POLB: variants seen among roughly 807,000 people sequenced by gnomAD.
The protein encoded by POLB is DNA polymerase beta.
Under a neutral mutation model 52.7 loss-of-function variants are expected in POLB, and 37 were observed. The ratio of observed to expected loss-of-function variants is 0.70; its 90% CI spans 0.54 to 0.92. The LOEUF is 0.92. Among genes scored for constraint, POLB ranks in the 40% least tolerant of loss-of-function variants. POLB has a pLI of 0.00. For synonymous variants in POLB, 138 were observed against 131.3 expected, an observed-to-expected ratio of 1.05 and a Z score of -0.35; for missense variants, 313 against 400.8, an observed-to-expected ratio of 0.78 and a Z score of 1.87.
intron 11 of POLB, among the ~76,000 whole-genome samples, chr8:42,364,216 C>T (rs796448407): frequency 1.5e-4 from 23 of 151,632 alleles, no homozygotes; most frequent in African/African-American, 4.6e-4. Context: ...CATGAACCAC[C>T]GTGCCCAGCC....
chr8:42,341,006 A>G (rs933006226), intron 2 of POLB, among the ~76,000 whole-genome samples: 2 of 152,194 alleles, frequency 1.3e-5, no homozygotes, highest in African/African-American at 4.8e-5. Context: ...GCATTGAGAC[A>G]TGAAGGGTAT....
At chr8:42,363,029 CG>C (rs1823806822) in intron 11 of POLB, among the ~76,000 whole-genome samples, 1 of 151,214 alleles carries the variant, frequency 6.6e-6, no homozygotes, top group African/African-American at 2.4e-5. Flanking sequence ...GAGGATGAGG[CG>C]GGAAAATCAC....
chr8:42,365,323 C>T (rs1823971778), intron 11 of POLB, among the ~76,000 whole-genome samples: 3 of 152,150 alleles, frequency 2.0e-5, no homozygotes, highest in Admixed American at 2.0e-4. Flanking sequence ...GTTCTCTTGA[C>T]TCTGTCAAGT....
At chr8:42,343,351 T>A (rs1486400277) in intron 2 of POLB, among the ~76,000 whole-genome samples, 674 of 24,726 alleles carry the variant, frequency 0.027, 22 homozygotes, top group African/African-American at 0.043. Context: ...AAAAAATATA[T>A]ATATATATAT....
intron 13 of POLB, 192 bp downstream of exon 13, chr8:42,370,180 A>C (rs1229182240): frequency 4.4e-6 from 3 of 677,856 alleles, no homozygotes; most frequent in Non-Finnish European, 8.1e-6. Context: ...AAGGCCATCA[A>C]GGCAAGCGTT....
rs201253851 is a variant in POLB at position 42,350,873 on chromosome 8, T to A, written c.320+808T>A. On this transcript the variant is annotated intron_variant, in intron 5 of 13. Coordinates refer to ENST00000265421, the MANE Select transcript of POLB (RefSeq NM_002690.3). ...ATTTTCATTGGAAGAATTACAAAAA[T>A]TTTTTTTTTTTTTTAGAGATAGTGT... Among the ~76,000 whole-genome samples, 8 of 4,712 alleles carry A rather than the reference T, an allele frequency of 1.7e-3. 1 individual carries two copies. The Admixed American group carries it at 0.078, about 46-fold the overall frequency. 3.1% of individuals were successfully genotyped at this position (4,712 alleles called of 152,430 possible). A position where few individuals can be genotyped will look rare whatever the true frequency, so the allele number is the denominator to read the frequency against.
chr8:42,355,445 C>A, intron 6 of POLB, 71 bp from the exon 7 acceptor site: 1 of 821,386 alleles, frequency 1.2e-6, no homozygotes, highest in South Asian at 1.5e-5. Context: ...TAAAAAGGGT[C>A]ATTGAGTTTA....
At chr8:42,354,220 T>C (rs1387233754) in intron 6 of POLB, among the ~76,000 whole-genome samples, 4 of 152,230 alleles carry the variant, frequency 2.6e-5, no homozygotes, top group Non-Finnish European at 5.9e-5. Context: ...GTATTTCCAC[T>C]TCTTCAGTTT....
In POLB at chr8:42,350,013, C is replaced by A. The variant is rs1353433705; in HGVS notation, c.268C>A (p.Gln90Lys). 6.2e-7 allele frequency: 1 copy of A among 1,602,858 alleles called. No homozygotes were observed. Among genetic ancestry groups the A allele is most frequent in the South Asian group, 1.1e-5 (1 of 90,858 alleles). Residue 90 changes from glutamine to lysine, a missense_variant, in exon 5 of 14, where the codon CAG becomes AAG. This residue lies in a region of POLB where 246 missense variants were observed against 297.6 expected (regional missense o/e 0.83). Coordinates refer to ENST00000265421, the MANE Select transcript of POLB (RefSeq NM_002690.3). ...GKLRKLEKIRQDDTSSSINFL... is the reference protein window; with the variant it reads ...GKLRKLEKIRKDDTSSSINFL... ...ACTTTTTTTTTTCTTAAAGATTCGG[C>A]AGGATGATACGAGTTCATCCATCAA...
At chr8:42,343,520 A>C (rs1312867621) in intron 2 of POLB, among the ~76,000 whole-genome samples, 3 of 149,110 alleles carry the variant, frequency 2.0e-5, no homozygotes, top group African/African-American at 7.4e-5. Flanking sequence ...CCATCTCAAA[A>C]AAAAAGTAAC....
intron 11 of POLB, among the ~76,000 whole-genome samples, chr8:42,363,411 C>A (rs1343797253): frequency 2.0e-5 from 3 of 150,970 alleles, no homozygotes; most frequent in Non-Finnish European, 4.4e-5. Context: ...GCCTGTAGTC[C>A]CAGCTTTTCG....
At chr8:42,340,369 T>A (rs573237674) in intron 2 of POLB, among the ~76,000 whole-genome samples, 1 of 152,224 alleles carries the variant, frequency 6.6e-6, no homozygotes, top group South Asian at 2.1e-4. Context: ...ACAAAATTAT[T>A]AAAACGACTA....
intron 10 of POLB, among the ~76,000 whole-genome samples, chr8:42,362,199 G>A (rs1052806200): frequency 6.6e-6 from 1 of 151,968 alleles, no homozygotes; most frequent in Admixed American, 6.6e-5. Context: ...GGCAAAGGTT[G>A]CAGTGAGCCG....
intron 2 of POLB, chr8:42,342,497 G>A (rs1006000445): frequency 2.0e-6 from 2 of 999,930 alleles, no homozygotes; most frequent in African/African-American, 3.2e-5. Context: ...CTCTATTTGG[G>A]TGTGTTGTAT....
intron 2 of POLB, chr8:42,342,036 C>G (rs766072449): frequency 3.2e-5 from 26 of 803,206 alleles, no homozygotes; most frequent in Non-Finnish European, 5.1e-5. Flanking sequence ...ATGTAATCTG[C>G]AACATTCTGG....
chr8:42,342,203 T>C, intron 2 of POLB: 3 of 1,554,630 alleles, frequency 1.9e-6, no homozygotes, highest in Non-Finnish European at 2.6e-6. Flanking sequence ...TGCATCCAAA[T>C]AGCAGGTGAA....
intron 2 of POLB, chr8:42,341,864 C>T (rs893059229): frequency 6.7e-6 from 4 of 595,180 alleles, no homozygotes; most frequent in Non-Finnish European, 9.4e-6. Context: ...GGGATGGTTC[C>T]ACCTCTTTTT....
Position 42,349,015 on chromosome 8 carries a change from G to A in POLB, c.187-1G>A. ...TTTTATATTTCTAATTTTCCATGTA[G>A]CCTGGAGTAGGAACAAAAATTGCTG... On this transcript the variant is annotated splice_acceptor_variant, in intron 3 of 13. Coordinates refer to ENST00000265421, the MANE Select transcript of POLB (RefSeq NM_002690.3). LOFTEE classifies it high-confidence loss of function. 6.4e-7 allele frequency: 1 copy of A among 1,566,372 alleles called. No individual in the cohort carries two copies. The highest frequency in any genetic ancestry group is 8.8e-7 in the Non-Finnish European group (1 of 1,138,796).
At chr8:42,352,675 C>T (rs965313040) in intron 6 of POLB, 107 bp downstream of exon 6, 4 of 732,144 alleles carry the variant, frequency 5.5e-6, no homozygotes, top group Non-Finnish European at 9.9e-6. Context: ...TCAGTAGATA[C>T]AAAAGATAAG....
Sources: gnomAD v4.1 joint callset for allele counts (sites outside exome capture counted in the v4.1 genomes callset) on GRCh38, gnomAD v4.1.1 for gene constraint, gnomAD v4.1.1 regional missense constraint, MANE v1.5 for transcripts, NCBI Gene and HGNC (gene_info 2026-07-23, HGNC 2026-07-21) for gene names.